The following DENND1B variants were observed in gnomAD, a reference collection of about 807,000 sequenced individuals.
The protein encoded by DENND1B is DENN domain-containing protein 1B.
A neutral mutation model predicts 90.1 loss-of-function variants in DENND1B; 59 were observed. The ratio of observed to expected loss-of-function variants is 0.65; its 90% confidence interval spans 0.53 to 0.81. The LOEUF (loss-of-function observed/expected upper bound fraction) is 0.81, where lower values mean the gene tolerates loss of function less well. DENND1B is among the 40% of genes least tolerant of loss of function. The pLI is 0.00. For synonymous variants in DENND1B, 337 were observed against 324.6 expected (o/e 1.04, Z -0.41); for missense variants, 862 against 912.6 (o/e 0.94, Z 0.71).
At chr1:197,705,729 A>T (rs1396438547) in intron 3 of DENND1B, among the ~76,000 whole-genome samples, 2 of 148,412 alleles carry the variant, frequency 1.3e-5, no homozygotes, top group African/African-American at 2.5e-5. Flanking sequence ...AGAAGACTAA[A>T]ATATATATAT....
rs1667689592 is a variant in DENND1B, at chr1:197,505,522, T to C, written c.*4938A>G. The C allele has an allele frequency of 6.6e-6, 1 of 151,684 alleles. No individual in the cohort carries two copies. Among genetic ancestry groups the C allele is most frequent in the African/African-American group, 2.4e-5 (1 of 41,374 alleles). 9.4% of individuals were successfully genotyped at this position (151,684 alleles called of 1,614,324 possible). A position where few individuals can be genotyped will look rare whatever the true frequency, so the allele number is the denominator to read the frequency against. On this transcript the variant is annotated 3_prime_UTR_variant, in exon 23 of 23. Coordinates refer to ENST00000620048, the MANE Select transcript of DENND1B (RefSeq NM_001195215.2). Reference sequence around the variant, plus strand: ...ACTAAAATGTGGCTTGAAAAAAACATAGCATTCTGGATATAAAGCATTCTG... The same window carrying C: ...ACTAAAATGTGGCTTGAAAAAAACACAGCATTCTGGATATAAAGCATTCTG...
chr1:197,556,649 T>C (rs1251419932), intron 15 of DENND1B, among the ~76,000 whole-genome samples: 1 of 152,012 alleles, frequency 6.6e-6, no homozygotes, highest in Non-Finnish European at 1.5e-5. Flanking sequence ...GCATCACAAC[T>C]TGGCCACTTA....
At chr1:197,673,592 T>C (rs1324025119) in intron 4 of DENND1B, among the ~76,000 whole-genome samples, 1 of 152,110 alleles carries the variant, frequency 6.6e-6, no homozygotes, top group Admixed American at 6.6e-5. Flanking sequence ...CATCATTCAG[T>C]ATTTGTTCAG....
At chr1:197,747,494 G>T in intron 2 of DENND1B, 1 of 239,024 alleles carries the variant, frequency 4.2e-6, no homozygotes. Flanking sequence ...GCCATCTTAA[G>T]ACCCCGTCAG....
chr1:197,579,390 C>T (rs902195982), intron 15 of DENND1B, among the ~76,000 whole-genome samples: 6 of 152,120 alleles, frequency 3.9e-5, no homozygotes, highest in Non-Finnish European at 8.8e-5. Context: ...GTGAAGTAAG[C>T]TGTCAATATA....
At chr1:197,651,395 T>C (rs368250213) in intron 7 of DENND1B, among the ~76,000 whole-genome samples, 1 of 152,036 alleles carries the variant, frequency 6.6e-6, no homozygotes, top group East Asian at 1.9e-4. Flanking sequence ...AAATAATCTA[T>C]CCCATCACAG....
intron 2 of DENND1B, chr1:197,734,506 T>A: frequency 1.0e-6 from 1 of 975,172 alleles, no homozygotes; most frequent in Non-Finnish European, 1.2e-6. Flanking sequence ...TAAGCTCATA[T>A]TGAAATCTAA....
intron 12 of DENND1B, 57 bp from the exon 13 acceptor site, chr1:197,607,231 G>C (rs945144423): frequency 8.3e-7 from 1 of 1,197,912 alleles, no homozygotes; most frequent in African/African-American, 1.6e-5. Flanking sequence ...ACAAAGTTAT[G>C]ATGAGTTTGG....
intron 2 of DENND1B, among the ~76,000 whole-genome samples, chr1:197,771,986 T>C (rs1656673839): frequency 6.6e-6 from 1 of 152,194 alleles, no homozygotes; most frequent in Non-Finnish European, 1.5e-5. Flanking sequence ...TAAAGTATTA[T>C]GCTCTCATCT....
intron 2 of DENND1B, among the ~76,000 whole-genome samples, chr1:197,742,385 T>C (rs1002217340): frequency 2.6e-5 from 4 of 152,170 alleles, no homozygotes; most frequent in Non-Finnish European, 5.9e-5. Context: ...CTCTAAATAA[T>C]TTTTAAAAGA....
intron 20 of DENND1B, among the ~76,000 whole-genome samples, chr1:197,525,890 G>A (rs1382252078): frequency 6.6e-6 from 1 of 151,910 alleles, no homozygotes; most frequent in Non-Finnish European, 1.5e-5. Flanking sequence ...AAACGTCAAA[G>A]ACACTAATAA....
At chr1:197,590,473 A>C (rs2125793713) in intron 14 of DENND1B, among the ~76,000 whole-genome samples, 1 of 152,266 alleles carries the variant, frequency 6.6e-6, no homozygotes, top group East Asian at 1.9e-4. Context: ...TAAAATATTC[A>C]TTACTTTATT....
intron 18 of DENND1B, 60 bp downstream of exon 18, chr1:197,545,862 C>T: frequency 2.2e-6 from 3 of 1,364,942 alleles, no homozygotes; most frequent in Non-Finnish European, 3.1e-6. Context: ...ATATGTCTAT[C>T]ACCTAGGAAA....
At chr1:197,541,058 T>C in intron 18 of DENND1B, 43 bp from the exon 19 acceptor site, 3 of 1,550,222 alleles carry the variant, frequency 1.9e-6, no homozygotes, top group African/African-American at 1.4e-5. Context: ...GATGGTTCCA[T>C]TACCATTTAA....
chr1:197,550,787 G>A (rs1198594397), intron 16 of DENND1B, among the ~76,000 whole-genome samples: 7 of 150,878 alleles, frequency 4.6e-5, no homozygotes, highest in Admixed American at 4.0e-4. Flanking sequence ...TGTTGTGCAC[G>A]TGTACCCTAA....
chr1:197,577,254 T>C (rs1673763307), intron 15 of DENND1B, among the ~76,000 whole-genome samples: 1 of 152,016 alleles, frequency 6.6e-6, no homozygotes, highest in South Asian at 2.1e-4. Flanking sequence ...GACCTAAGGG[T>C]TGACATTCAA....
chr1:197,746,962 C>T lies in DENND1B; in HGVS notation c.82+25906G>A, dbSNP rs1049358081. The T allele has an allele frequency of 2.6e-6, 3 of 1,162,814 alleles. No individual in the cohort carries two copies. In the Admixed American group the frequency reaches 5.1e-5, roughly 20 times the overall value. 72.0% of individuals were successfully genotyped at this position (1,162,814 alleles called of 1,614,324 possible). A position where few individuals can be genotyped will look rare whatever the true frequency, so the allele number is the denominator to read the frequency against. On this transcript the variant is annotated intron_variant, in intron 2 of 22. Transcript: ENST00000620048. Reference sequence around the variant, plus strand: ...TTCCTCAGTCTTCTCAATATTCCACCCCTCCACAGCCTGGTCTATCCTCTC... The same window carrying T: ...TTCCTCAGTCTTCTCAATATTCCACTCCTCCACAGCCTGGTCTATCCTCTC...
rs1395121119 is a variant in DENND1B, at chr1:197,510,486, TG to T, written c.2301del (p.Asp767GlufsTer21). The T allele has an allele frequency of 6.2e-7, 1 of 1,607,010 alleles. No homozygotes were observed. ...TAAGTTTGGTTTCCATTTGTGTTTTTGTCTGAAATGTTCAAGCTTTGTTGGA... is the reference window on the plus strand; with the variant it reads ...TAAGTTTGGTTTCCATTTGTGTTTTTTCTGAAATGTTCAAGCTTTGTTGGA... ...SDFQQSLNIS[D>X]KNTNGNQT On this transcript the variant is annotated frameshift_variant, in exon 23 of 23. Transcript: ENST00000620048. LOFTEE classifies it high-confidence loss of function.
At chr1:197,778,347 C>G (rs759626042), upstream of DENND1B, among the ~76,000 whole-genome samples, 6 of 152,100 alleles carry the variant, frequency 3.9e-5, no homozygotes, top group Admixed American at 3.9e-4. Flanking sequence ...GCTCTTACAT[C>G]AAACCCCTAG....
Sources: gnomAD v4.1 joint callset for allele counts (sites outside exome capture counted in the v4.1 genomes callset) on GRCh38, gnomAD v4.1.1 for gene constraint, MANE v1.5 for transcripts, NCBI Gene and HGNC (gene_info 2026-07-23, HGNC 2026-07-21) for gene names.